The following MB21D2 variants were observed in gnomAD, a reference collection of about 807,000 sequenced individuals.
The protein encoded by MB21D2 is nucleotidyltransferase MB21D2.
MB21D2 carries 9 observed loss-of-function variants against 33.3 expected under a neutral mutation model. The observed-to-expected ratio is 0.27, with a 90% CI of 0.16 to 0.47. The LOEUF (loss-of-function observed/expected upper bound fraction) is 0.47, where lower values mean the gene tolerates loss of function less well. MB21D2 is among the 20% of genes least tolerant of loss of function. MB21D2 has a pLI of 0.99. For missense variants in MB21D2, 540 were observed against 624.6 expected (o/e 0.86, Z 1.44); for synonymous variants, 241 against 236.3 (o/e 1.02, Z -0.18).
intron 1 of MB21D2, among the ~76,000 whole-genome samples, chr3:192,876,698 G>C (rs1031673981): frequency 9.2e-5 from 14 of 152,006 alleles, no homozygotes; most frequent in African/African-American, 3.4e-4. Flanking sequence ...AGCTTCCTGT[G>C]GCTCCCCCAG....
intron 1 of MB21D2, among the ~76,000 whole-genome samples, chr3:192,804,817 T>C (rs1711629268): frequency 6.6e-6 from 1 of 152,214 alleles, no homozygotes; most frequent in African/African-American, 2.4e-5. Flanking sequence ...TATTATGGTT[T>C]ATGTTTCCAG....
At chr3:192,820,010 G>C (rs564477632) in intron 1 of MB21D2, among the ~76,000 whole-genome samples, 12 of 152,234 alleles carry the variant, frequency 7.9e-5, no homozygotes, top group Non-Finnish European at 1.8e-4. Context: ...CTAGGTTTCT[G>C]TTTCCTTGGC....
At chr3:192,889,284 A>G (rs1408523492) in intron 1 of MB21D2, among the ~76,000 whole-genome samples, 2 of 152,040 alleles carry the variant, frequency 1.3e-5, no homozygotes, top group African/African-American at 4.8e-5. Flanking sequence ...CTTATAACAC[A>G]TAAAAAAGGG....
At chr3:192,898,201 C>G (rs1452256194) in intron 1 of MB21D2, among the ~76,000 whole-genome samples, 2 of 146,490 alleles carry the variant, frequency 1.4e-5, no homozygotes, top group Non-Finnish European at 3.0e-5. Flanking sequence ...AAAAATACAA[C>G]CAAAAACACA....
chr3:192,847,490 T>C (rs1310359530), intron 1 of MB21D2, among the ~76,000 whole-genome samples: 1 of 152,172 alleles, frequency 6.6e-6, no homozygotes, highest in African/African-American at 2.4e-5. Context: ...TTCCTCATTG[T>C]AAAATATGAT....
intron 1 of MB21D2, among the ~76,000 whole-genome samples, chr3:192,829,696 T>C (rs1476628441): frequency 6.6e-6 from 1 of 151,982 alleles, no homozygotes; most frequent in Admixed American, 6.6e-5. Flanking sequence ...AGAGCATTCT[T>C]CTGTTTATGT....
chr3:192,897,589 A>G (rs748748095), intron 1 of MB21D2, among the ~76,000 whole-genome samples: 2 of 152,232 alleles, frequency 1.3e-5, no homozygotes, highest in Non-Finnish European at 2.9e-5. Flanking sequence ...CAGCTTTTAA[A>G]TATTTGCTCC....
At chr3:192,905,045 T>C (rs1714176531) in intron 1 of MB21D2, among the ~76,000 whole-genome samples, 1 of 152,204 alleles carries the variant, frequency 6.6e-6, no homozygotes, top group Non-Finnish European at 1.5e-5. Flanking sequence ...AAGAACAAAC[T>C]GTTGAGTTGC....
intron 1 of MB21D2, among the ~76,000 whole-genome samples, chr3:192,808,512 T>G (rs1368540673): frequency 6.6e-6 from 1 of 152,198 alleles, no homozygotes; most frequent in African/African-American, 2.4e-5. Context: ...AAGTTTTCAG[T>G]GTAATGTTGT....
intron 1 of MB21D2, among the ~76,000 whole-genome samples, chr3:192,825,118 C>T (rs1328360593): frequency 1.3e-5 from 2 of 152,180 alleles, no homozygotes; most frequent in South Asian, 2.1e-4. Flanking sequence ...TCTCGAGAAT[C>T]GAGGTCTGGT....
chr3:192,860,626 CAG>C (rs1314358983), intron 1 of MB21D2, among the ~76,000 whole-genome samples: 1 of 152,144 alleles, frequency 6.6e-6, no homozygotes, highest in Non-Finnish European at 1.5e-5. Context: ...GCTGAATATG[CAG>C]AGACAGTCTG....
At chr3:192,860,722 G>A (rs769069521) in intron 1 of MB21D2, among the ~76,000 whole-genome samples, 4 of 152,162 alleles carry the variant, frequency 2.6e-5, no homozygotes, top group Non-Finnish European at 4.4e-5. Flanking sequence ...CGCAAGGACT[G>A]GGGCAACTTC....
chr3:192,877,596 C>A (rs1713459663), intron 1 of MB21D2, among the ~76,000 whole-genome samples: 1 of 152,200 alleles, frequency 6.6e-6, no homozygotes, highest in African/African-American at 2.4e-5. Flanking sequence ...TCCCACAAGA[C>A]CTCATCTAGA....
At chr3:192,900,700 T>C (rs533728426) in intron 1 of MB21D2, among the ~76,000 whole-genome samples, 33 of 152,060 alleles carry the variant, frequency 2.2e-4, no homozygotes, top group Non-Finnish European at 4.0e-4. Flanking sequence ...CCCAGCACTT[T>C]AGGAGGCCGA....
intron 1 of MB21D2, among the ~76,000 whole-genome samples, chr3:192,826,224 T>C (rs1055606178): frequency 1.3e-5 from 2 of 152,250 alleles, no homozygotes; most frequent in African/African-American, 4.8e-5. Flanking sequence ...GAACCTTGCA[T>C]ACTTACTTTC....
At chr3:192,865,821 G>A (rs1209055216) in intron 1 of MB21D2, among the ~76,000 whole-genome samples, 1 of 152,176 alleles carries the variant, frequency 6.6e-6, no homozygotes, top group East Asian at 1.9e-4. Flanking sequence ...GAAGGCAGGA[G>A]GATTGCTGGA....
At chr3:192,852,786 AGCTCCCC>A (rs1712834400) in intron 1 of MB21D2, among the ~76,000 whole-genome samples, 1 of 151,478 alleles carries the variant, frequency 6.6e-6, no homozygotes, top group African/African-American at 2.4e-5. Context: ...TTTCAGAATG[AGCTCCCC>A]ACCACTGACC....
chr3:192,856,768 T>C (rs1712927362), intron 1 of MB21D2, among the ~76,000 whole-genome samples: 1 of 152,068 alleles, frequency 6.6e-6, no homozygotes, highest in Non-Finnish European at 1.5e-5. Context: ...GCCAAGGCTG[T>C]TCTTGAACTT....
At chr3:192,895,806 C>T (rs1713958772) in intron 1 of MB21D2, among the ~76,000 whole-genome samples, 1 of 152,140 alleles carries the variant, frequency 6.6e-6, no homozygotes, top group Non-Finnish European at 1.5e-5. Context: ...GATCCTGGCT[C>T]ATTGCAACCT....
Sources: gnomAD v4.1 joint callset for allele counts (sites outside exome capture counted in the v4.1 genomes callset) on GRCh38, gnomAD v4.1.1 for gene constraint, MANE v1.5 for transcripts, NCBI Gene and HGNC (gene_info 2026-07-23, HGNC 2026-07-21) for gene names.